The following IL16 variants were observed in gnomAD, a reference collection of about 807,000 sequenced individuals.
IL16 encodes interleukin 16.
In IL16, 67 loss-of-function variants were observed where a neutral mutation model predicts 110.1. The ratio of observed to expected loss-of-function variants is 0.61; its 90% confidence interval spans 0.50 to 0.75. The LOEUF (loss-of-function observed/expected upper bound fraction) is 0.75. Among genes scored for constraint, IL16 ranks in the 30% least tolerant of loss-of-function variants. IL16 has a pLI of 0.00. For synonymous variants in IL16, 689 were observed against 662.9 expected, an observed-to-expected ratio of 1.04 and a Z score of -0.61; for missense variants, 1,545 against 1,655.0, an observed-to-expected ratio of 0.93 and a Z score of 1.15.
chr15:81,203,462 A>G (rs1454893703), intron 1 of IL16, among the ~76,000 whole-genome samples: 1 of 152,024 alleles, frequency 6.6e-6, no homozygotes, highest in South Asian at 2.1e-4. Context: ...TAGGTCTAAC[A>G]TTTAAGTCTT....
chr15:81,215,992 C>T (rs894564320), intron 1 of IL16, among the ~76,000 whole-genome samples: 1 of 152,210 alleles, frequency 6.6e-6, no homozygotes, highest in Admixed American at 6.5e-5. Flanking sequence ...TGCACCTGCT[C>T]CTGCAGGGTG....
Position 81,299,787 on chromosome 15 carries a change from G to GCTT in IL16, c.2463_2465dup (p.Ser822dup), listed in dbSNP as rs1900174533. ...TGCCTTGTCCACCCAGCCAGCACCTGCTTCCAGGGAGCACCTAGGATCACA... is the reference window on the plus strand; with the variant it reads ...TGCCTTGTCCACCCAGCCAGCACCTGCTTCTTCCAGGGAGCACCTAGGATCACA... On this transcript the variant is annotated inframe_insertion, in exon 14 of 19. Transcript: ENST00000683961. 1 of 1,613,938 alleles carries GCTT rather than the reference G, an allele frequency of 6.2e-7. No individual in the cohort carries two copies. The highest frequency in any genetic ancestry group is 1.3e-5 in the African/African-American group (1 of 74,910).
At chr15:81,251,491 T>A (rs1347594429) in intron 2 of IL16, among the ~76,000 whole-genome samples, 1 of 152,212 alleles carries the variant, frequency 6.6e-6, no homozygotes, top group Non-Finnish European at 1.5e-5. Flanking sequence ...ATGACACCTT[T>A]AGTTATTCTC....
intron 10 of IL16, among the ~76,000 whole-genome samples, chr15:81,289,290 T>C (rs536878561): frequency 2.6e-5 from 4 of 152,220 alleles, no homozygotes; most frequent in African/African-American, 9.6e-5. Flanking sequence ...TGTGTACCAC[T>C]GCACAGGCTA....
At chr15:81,192,314 A>G (rs1277722865), upstream of IL16, among the ~76,000 whole-genome samples, 1 of 152,212 alleles carries the variant, frequency 6.6e-6, no homozygotes, top group Admixed American at 6.5e-5. Context: ...AATTTTTAAA[A>G]AAGTGGTTGG....
chr15:81,216,694 G>A (rs1288871659), intron 1 of IL16, among the ~76,000 whole-genome samples: 1 of 152,166 alleles, frequency 6.6e-6, no homozygotes, highest in Non-Finnish European at 1.5e-5. Context: ...AGACAGCAAT[G>A]ATGAGGCTGC....
rs61223364 is a variant in IL16 at position 81,303,346 on chromosome 15, ATT to A, written c.3319-194_3319-193del. On this transcript the variant is annotated intron_variant, in intron 15 of 18. Transcript: ENST00000683961. This position sits in a 1 kb window ranked among gnomAD's most constrained non-coding sequence, Gnocchi z 4.1. ...TAATTATGCTTGCTGCTTTACATAC[ATT>A]TTTTTTTTCTTCTAAGCTTCCCATG... 27 of 527,756 alleles carry A rather than the reference ATT, an allele frequency of 5.1e-5. No individual in the cohort carries two copies. Among genetic ancestry groups the A allele is most frequent in the African/African-American group, 3.7e-4 (19 of 51,250 alleles). The allele number at this position is 527,756 out of a possible 1,614,324, so 32.7% of individuals were successfully genotyped here.
At chr15:81,231,131 G>A (rs923189811) in intron 2 of IL16, among the ~76,000 whole-genome samples, 2 of 151,992 alleles carry the variant, frequency 1.3e-5, no homozygotes, top group Non-Finnish European at 2.9e-5. Context: ...TTGAACCCAA[G>A]GAGGTTTTGA....
At chr15:81,224,069 T>C (rs1896707572) in intron 1 of IL16, among the ~76,000 whole-genome samples, 1 of 152,198 alleles carries the variant, frequency 6.6e-6, no homozygotes, top group Non-Finnish European at 1.5e-5. Context: ...TTGCTATTGA[T>C]TACTGGGATG....
intron 18 of IL16, 22 bp from the exon 19 acceptor site, chr15:81,308,583 A>G (rs756249693): frequency 2.0e-5 from 32 of 1,574,324 alleles, no homozygotes; most frequent in Non-Finnish European, 2.4e-5. Flanking sequence ...TGTGGAACCC[A>G]TTACCTTCTC....
chr15:81,186,122 G>T (rs1422181868), intron 1 of IL16, among the ~76,000 whole-genome samples: 2 of 152,136 alleles, frequency 1.3e-5, no homozygotes, highest in Admixed American at 6.6e-5. Context: ...CAGAGGCCTC[G>T]CCCTGAACCC....
At chr15:81,261,258 G>T (rs1238586943) in intron 3 of IL16, among the ~76,000 whole-genome samples, 1 of 152,326 alleles carries the variant, frequency 6.6e-6, no homozygotes, top group African/African-American at 2.4e-5. Flanking sequence ...ACCAGGTTGG[G>T]ATTCTTCAAT....
chr15:81,247,970 A>G lies in IL16; in HGVS notation c.313-11802A>G, dbSNP rs1040483417. The stretch of plus-strand genomic sequence containing the variant: ...TTGTTTATGTTTAAAGAGACATTGT[A>G]TATAGCTATTAACCTTACTGCTTTT... On this transcript the variant is annotated intron_variant, in intron 2 of 18. Transcript: ENST00000683961. Among the ~76,000 whole-genome samples, 2 of 152,246 alleles carry G rather than the reference A, an allele frequency of 1.3e-5. 1 individual carries two copies. The highest frequency in any genetic ancestry group is 1.3e-4 in the Admixed American group (2 of 15,288).
At position 81,260,664 on chromosome 15, in the gene IL16, C is replaced by T. The variant is rs145481439; in HGVS notation, c.421+784C>T. 7.3e-3 allele frequency among the ~76,000 whole-genome samples: 1,114 copies of T among 152,268 alleles called. 13 individuals are homozygous for T. The highest frequency in any genetic ancestry group is 0.01 in the Non-Finnish European group (713 of 68,014). On this transcript the variant is annotated intron_variant, in intron 3 of 18. Coordinates refer to ENST00000683961, the MANE Select transcript of IL16 (RefSeq NM_172217.5). Reference sequence around the variant, plus strand: ...TTGTGATGATCTTTCAAAGAAAATACAGAAGGCAGTGGCCTGGTTAAGAGC... The same window carrying T: ...TTGTGATGATCTTTCAAAGAAAATATAGAAGGCAGTGGCCTGGTTAAGAGC...
At chr15:81,224,738 C>CAT (rs1250471436) in intron 1 of IL16, among the ~76,000 whole-genome samples, 10 of 152,310 alleles carry the variant, frequency 6.6e-5, no homozygotes, top group Admixed American at 2.6e-4. Context: ...CAATGGAGGA[C>CAT]ATAAGACATC....
intron 4 of IL16, among the ~76,000 whole-genome samples, chr15:81,266,371 G>T (rs1898382623): frequency 6.6e-6 from 1 of 152,206 alleles, no homozygotes; most frequent in Admixed American, 6.5e-5. Context: ...GTAGGACACT[G>T]AGGCTTGGCA....
intron 2 of IL16, among the ~76,000 whole-genome samples, chr15:81,232,042 GTTTTTTT>G: frequency 1.2e-4 from 7 of 57,694 alleles, no homozygotes; most frequent in Admixed American, 2.4e-4. Context: ...ATTTGTTCTT[GTTTTTTT>G]TTTTTTTTTT....
rs757593833 is a variant in IL16 at position 81,313,373 on chromosome 15, G to T, written c.*4575G>T. 3 of 1,575,122 alleles carry T rather than the reference G, an allele frequency of 1.9e-6. No individual in the cohort carries two copies. The highest frequency in any genetic ancestry group is 1.7e-6 in the Non-Finnish European group (2 of 1,159,954). On this transcript the variant is annotated 3_prime_UTR_variant, in exon 19 of 19. Coordinates refer to ENST00000683961, the MANE Select transcript of IL16 (RefSeq NM_172217.5). ...GGTAACCGCTGAGGTCGGTATGGAA[G>T]AATGTGACCAGGTTGGTCTTGGTGG...
intron 1 of IL16, among the ~76,000 whole-genome samples, chr15:81,221,693 A>AT (rs1896622337): frequency 1.3e-5 from 2 of 151,742 alleles, no homozygotes; most frequent in African/African-American, 4.9e-5. Context: ...TAAAAAAAAA[A>AT]ATCCATAATG....
Sources: allele counts gnomAD v4.1 joint callset (sites outside exome capture counted in the v4.1 genomes callset), GRCh38; gene constraint gnomAD v4.1.1; non-coding constraint Gnocchi (gnomAD v3.1); transcripts MANE v1.5; gene names NCBI Gene and HGNC (gene_info 2026-07-23, HGNC 2026-07-21).